SYN2: variants seen among roughly 807,000 people sequenced by gnomAD.
The protein encoded by SYN2 is synapsin-2.
A neutral mutation model predicts 50.9 loss-of-function variants in SYN2; 19 were observed. The ratio of observed to expected loss-of-function variants is 0.37; its 90% CI spans 0.26 to 0.55. The LOEUF is 0.55. Ranked by LOEUF, SYN2 falls within the 20% of genes least tolerant of loss-of-function variation. SYN2 has a pLI of 0.81. For synonymous variants in SYN2, 255 were observed against 224.9 expected, an observed-to-expected ratio of 1.13 and a Z score of -1.20; for missense variants, 587 against 576.4, an observed-to-expected ratio of 1.02 and a Z score of -0.19.
At chr3:12,006,854 T>C (rs1444607059) in intron 1 of SYN2, among the ~76,000 whole-genome samples, 1 of 152,150 alleles carries the variant, frequency 6.6e-6, no homozygotes, top group African/African-American at 2.4e-5. Context: ...GCCAGAGTTA[T>C]TGGAGAAAGC....
At chr3:12,083,724 T>C (rs1317919248) in intron 1 of SYN2, among the ~76,000 whole-genome samples, 2 of 152,230 alleles carry the variant, frequency 1.3e-5, no homozygotes, top group African/African-American at 4.8e-5. Context: ...CTGTTCTACC[T>C]AGTGGTCTCT....
chr3:12,092,691 A>G lies in SYN2; in HGVS notation c.378-47960A>G, dbSNP rs544234351. Among the ~76,000 whole-genome samples the G allele has an allele frequency of 2.6e-5, 4 of 152,274 alleles. No individual in the cohort carries two copies. The South Asian group carries it at 6.2e-4, about 24-fold the overall frequency. On this transcript the variant is annotated intron_variant, in intron 1 of 12. Coordinates refer to ENST00000621198, the MANE Select transcript of SYN2 (RefSeq NM_133625.6). ...ATTCTAGGCTTCCTGGGGGTCAAAG[A>G]CTGTGTTTCATATGTCATTGCATTG...
chr3:12,064,282 C>G (rs924366433), intron 1 of SYN2, among the ~76,000 whole-genome samples: 3 of 151,966 alleles, frequency 2.0e-5, no homozygotes, highest in Admixed American at 1.3e-4. Context: ...CTTAAGGAGA[C>G]ATGGTGATTA....
intron 1 of SYN2, among the ~76,000 whole-genome samples, chr3:12,091,513 T>C (rs1453166718): frequency 1.3e-5 from 2 of 152,120 alleles, no homozygotes; most frequent in East Asian, 3.9e-4. Context: ...CAAGTAATTC[T>C]TATAAGTGAG....
At chr3:12,070,438 C>G in intron 1 of SYN2, 1 of 555,104 alleles carries the variant, frequency 1.8e-6, no homozygotes, top group Non-Finnish European at 3.6e-6. Flanking sequence ...GATTGGGACT[C>G]TGACCCCATT....
intron 5 of SYN2, 52 bp from the exon 6 acceptor site, chr3:12,161,494 A>G (rs1207171352): frequency 3.7e-5 from 59 of 1,602,338 alleles, no homozygotes; most frequent in Non-Finnish European, 4.8e-5. Context: ...GTAGGATTCC[A>G]CGGAGAGATG....
intron 1 of SYN2, among the ~76,000 whole-genome samples, chr3:12,134,627 G>A (rs1389335932): frequency 1.3e-5 from 2 of 152,216 alleles, no homozygotes; most frequent in African/African-American, 2.4e-5. Flanking sequence ...GTGCTTGTAT[G>A]TCTACTGCAG....
At chr3:12,051,930 G>GT (rs1694872799) in intron 1 of SYN2, among the ~76,000 whole-genome samples, 1 of 152,180 alleles carries the variant, frequency 6.6e-6, no homozygotes, top group Non-Finnish European at 1.5e-5. Context: ...AATTCACCGT[G>GT]TATTTCCCAT....
chr3:12,023,475 C>T (rs1253970448), intron 1 of SYN2, among the ~76,000 whole-genome samples: 1 of 151,912 alleles, frequency 6.6e-6, no homozygotes, highest in Non-Finnish European at 1.5e-5. Flanking sequence ...TTCTTTCTGC[C>T]CAAGTCTTTT....
chr3:12,052,265 TTAAG>T (rs889280327), intron 1 of SYN2, among the ~76,000 whole-genome samples: 1 of 152,094 alleles, frequency 6.6e-6, no homozygotes, highest in Non-Finnish European at 1.5e-5. Context: ...TTTAAAGAGG[TTAAG>T]TAAGTAACCT....
intron 1 of SYN2, among the ~76,000 whole-genome samples, chr3:12,065,469 T>C (rs923097679): frequency 2.0e-5 from 3 of 152,138 alleles, no homozygotes; most frequent in South Asian, 2.1e-4. Flanking sequence ...CAACAGTGGA[T>C]TGGATAAAGA....
intron 1 of SYN2, among the ~76,000 whole-genome samples, chr3:12,129,024 A>G (rs1431425687): frequency 6.6e-6 from 1 of 152,232 alleles, no homozygotes; most frequent in Non-Finnish European, 1.5e-5. Context: ...GTAGTTGAAA[A>G]AATTTCAAAA....
intron 5 of SYN2, among the ~76,000 whole-genome samples, chr3:12,159,911 C>T (rs1470732936): frequency 6.6e-6 from 1 of 151,888 alleles, no homozygotes; most frequent in Non-Finnish European, 1.5e-5. Context: ...GGCGTGGTGG[C>T]CTACACCTGT....
intron 1 of SYN2, among the ~76,000 whole-genome samples, chr3:12,078,993 G>A (rs1297000215): frequency 6.6e-6 from 1 of 152,128 alleles, no homozygotes; most frequent in Non-Finnish European, 1.5e-5. Flanking sequence ...GCCGTGGTTT[G>A]TAGTTCTTCT....
chr3:12,183,194 T>C, intron 10 of SYN2, 118 bp from the exon 11 acceptor site: 1 of 1,386,052 alleles, frequency 7.2e-7, no homozygotes, highest in Non-Finnish European at 9.6e-7. Flanking sequence ...CAGATCCCAC[T>C]GGATCCCACC....
chr3:12,150,984 G>A (rs1391126268), intron 4 of SYN2, among the ~76,000 whole-genome samples: 1 of 152,150 alleles, frequency 6.6e-6, no homozygotes. Flanking sequence ...TAAAATACTA[G>A]TTCATCAATT....
At chr3:12,026,412 A>T (rs1339386171) in intron 1 of SYN2, among the ~76,000 whole-genome samples, 5 of 152,152 alleles carry the variant, frequency 3.3e-5, no homozygotes, top group African/African-American at 1.2e-4. Context: ...CCTTTAAAAA[A>T]ATATATATAC....
rs1403693235 is a variant in SYN2, at chr3:12,169,829, A to G, written c.1231A>G (p.Ile411Val). Reference sequence around the variant, plus strand: ...CAGGCAACTCATCACCGAACTAGTCATCAGCAAGATGAACCAGCTGCTGTC... The same window carrying G: ...CAGGCAACTCATCACCGAACTAGTCGTCAGCAAGATGAACCAGCTGCTGTC... ...EDRQLITELV[I>V]SKMNQLLSRT... Residue 411 changes from isoleucine to valine, a missense_variant, in exon 10 of 13, where the codon ATC becomes GTC. Coordinates refer to ENST00000621198, the MANE Select transcript of SYN2 (RefSeq NM_133625.6). 3 of 1,613,954 alleles carry G rather than the reference A, an allele frequency of 1.9e-6. No individual in the cohort carries two copies. Among genetic ancestry groups the G allele is most frequent in the East Asian group, 4.5e-5 (2 of 44,880 alleles).
intron 4 of SYN2, among the ~76,000 whole-genome samples, chr3:12,146,200 C>T (rs1264065052): frequency 6.6e-6 from 1 of 152,234 alleles, no homozygotes; most frequent in Non-Finnish European, 1.5e-5. Context: ...ATAAAAATGT[C>T]TGTTTCTTGC....
Sources: gnomAD v4.1 joint callset for allele counts (sites outside exome capture counted in the v4.1 genomes callset) on GRCh38, gnomAD v4.1.1 for gene constraint, MANE v1.5 for transcripts, NCBI Gene and HGNC (gene_info 2026-07-23, HGNC 2026-07-21) for gene names.